Variants in DLGAP5 observed in about 807,000 individuals in gnomAD.
DLGAP5 encodes disks large-associated protein 5.
A neutral mutation model predicts 99.6 loss-of-function variants in DLGAP5; 90 were observed. That is an observed-to-expected ratio of 0.90 (90% CI 0.76 to 1.08). The LOEUF (loss-of-function observed/expected upper bound fraction) is 1.08, where lower values mean the gene tolerates loss of function less well. DLGAP5 is among the 50% of genes least tolerant of loss of function. The pLI, the probability that DLGAP5 is intolerant of heterozygous loss-of-function variation, is 0.00. For synonymous variants in DLGAP5, 311 were observed against 321.3 expected (o/e 0.97, Z 0.34); for missense variants, 1,036 against 983.5 (o/e 1.05, Z -0.71).
chr14:55,169,175 C>CA (rs34906311), intron 12 of DLGAP5, among the ~76,000 whole-genome samples: 6,895 of 63,232 alleles, frequency 0.11, 822 homozygotes, highest in African/African-American at 0.27. Context: ...GACTCCGTCT[C>CA]AAAAAAAAAA....
intron 9 of DLGAP5, 114 bp downstream of exon 9, chr14:55,175,780 A>T (rs1883039864): frequency 1.0e-5 from 10 of 966,926 alleles, no homozygotes; most frequent in Non-Finnish European, 1.3e-5. Flanking sequence ...GCTCCAAACA[A>T]ATCTGACAAG....
chr14:55,155,940 A>C (rs1882203178), intron 14 of DLGAP5, among the ~76,000 whole-genome samples: 1 of 151,698 alleles, frequency 6.6e-6, no homozygotes, highest in South Asian at 2.1e-4. Context: ...AATACCAAAA[A>C]ATCAGCCGGG....
At position 55,151,720 on chromosome 14, in the gene DLGAP5, T is replaced by C; in HGVS notation, c.2343A>G (p.Glu781=). The change falls in exon 17 of 19, where the codon GAA becomes GAG. Residue 781 remains glutamate (E), a synonymous_variant. Transcript: ENST00000247191. ...CTGACTGAGAAATTTTAGTTTCCCC[T>C]TCTTCTAAGATGCTATTTTGTGAAG... ...NTASQNSILE[E]GETKISQSEL... is the part of the protein sequence containing the mutation. The C allele has an allele frequency of 6.2e-7, 1 of 1,613,330 alleles. No individual in the cohort carries two copies. The highest frequency in any genetic ancestry group is 1.3e-5 in the African/African-American group (1 of 74,974).
chr14:55,158,304 G>A (rs895047167), intron 14 of DLGAP5, among the ~76,000 whole-genome samples: 1 of 152,180 alleles, frequency 6.6e-6, no homozygotes, highest in Admixed American at 6.5e-5. Flanking sequence ...AATCTTAGAA[G>A]ACTTATCGCA....
At chr14:55,166,034 CTACCAA>C (rs1566499168) in intron 12 of DLGAP5, among the ~76,000 whole-genome samples, 2 of 152,160 alleles carry the variant, frequency 1.3e-5, no homozygotes, top group Non-Finnish European at 2.9e-5. Flanking sequence ...ACAATATGAC[CTACCAA>C]TATCTAGGCA....
At chr14:55,175,203 T>C in intron 10 of DLGAP5, 143 bp downstream of exon 10, 1 of 677,488 alleles carries the variant, frequency 1.5e-6, no homozygotes, top group Non-Finnish European at 2.4e-6. Context: ...GTACTAGTTA[T>C]CAAAAAAATA....
rs771539474 is a variant in DLGAP5, at chr14:55,163,061, G to T, written c.1563C>A (p.Ile521=). 1.3e-6 allele frequency: 2 copies of T among 1,591,496 alleles called. No homozygotes were observed. Among genetic ancestry groups the T allele is most frequent in the Non-Finnish European group, 8.6e-7 (1 of 1,168,246 alleles). ...DMVSFQIEDV[I]HKFNNLIKLE... ...GTTTGATCAGATTGTTGAATTTGTG[G>T]ATTACATCTTCTATCTGTTAATAAA... Residue 521 remains isoleucine (I), a synonymous_variant, in exon 13 of 19, where the codon ATC becomes ATA. Coordinates refer to ENST00000247191, the MANE Select transcript of DLGAP5 (RefSeq NM_014750.5).
intron 12 of DLGAP5, among the ~76,000 whole-genome samples, chr14:55,164,602 T>C (rs1882569551): frequency 6.6e-6 from 1 of 151,800 alleles, no homozygotes; most frequent in Non-Finnish European, 1.5e-5. Context: ...AGTTCTTAGA[T>C]GTGGTGTCAA....
intron 18 of DLGAP5, among the ~76,000 whole-genome samples, chr14:55,149,817 G>GC (rs1382826018): frequency 2.2e-4 from 6 of 27,430 alleles, no homozygotes; most frequent in East Asian, 1.7e-3. Context: ...AATCGGGGCG[G>GC]GGGGGGGGCA....
At position 55,170,742 on chromosome 14, in the gene DLGAP5, G is replaced by T; in HGVS notation, c.1347C>A (p.Phe449Leu). 14 of 1,613,634 alleles carry T rather than the reference G, an allele frequency of 8.7e-6. No homozygotes were observed. The highest frequency in any genetic ancestry group is 3.3e-5 in the Admixed American group (2 of 60,020). ...SETEKLTSHC[F>L]EWDRKLELDI... The stretch of plus-strand genomic sequence containing the variant: ...CCAATTCAAGTTTCCTGTCCCACTC[G>T]AAGCAATGTGAAGTTAATTTCTCAG... The change falls in exon 11 of 19, where the codon TTC becomes TTA. Residue 449 changes from phenylalanine to leucine, a missense_variant. Physicochemically the swap from Phe to Leu is conservative, Grantham distance 22. Coordinates refer to ENST00000247191, the MANE Select transcript of DLGAP5 (RefSeq NM_014750.5).
At chr14:55,185,718 AGG>A in intron 2 of DLGAP5, among the ~76,000 whole-genome samples, 1 of 151,196 alleles carries the variant, frequency 6.6e-6, no homozygotes, top group East Asian at 2.0e-4. Context: ...TCCTGACCTC[AGG>A]TGATCCACCC....
At chr14:55,178,498 T>A (rs562565380) in intron 7 of DLGAP5, among the ~76,000 whole-genome samples, 7 of 152,356 alleles carry the variant, frequency 4.6e-5, no homozygotes, top group African/African-American at 1.4e-4. Context: ...GGTTTCTGAT[T>A]TTTAATAAGA....
At chr14:55,171,880 T>A (rs1594674857) in intron 10 of DLGAP5, among the ~76,000 whole-genome samples, 1 of 152,310 alleles carries the variant, frequency 6.6e-6, no homozygotes, top group East Asian at 1.9e-4. Flanking sequence ...TACTACATAA[T>A]TCTACTTAAA....
chr14:55,166,452 G>A (rs964561184), intron 12 of DLGAP5, among the ~76,000 whole-genome samples: 1 of 152,164 alleles, frequency 6.6e-6, no homozygotes, highest in African/African-American at 2.4e-5. Flanking sequence ...TGTTCTGGCT[G>A]GGTGTACTGG....
Position 55,152,587 on chromosome 14 carries a change from T to C in DLGAP5, c.2121+3A>G, listed in dbSNP as rs750670567. 2.5e-6 allele frequency: 4 copies of C among 1,600,360 alleles called. No homozygotes were observed. Among genetic ancestry groups the C allele is most frequent in the Non-Finnish European group, 3.4e-6 (4 of 1,173,906 alleles). Reference sequence around the variant, plus strand: ...TATCTAACCACACTGGAATTGTACTTACATGATTTTCTTCAATTAAATCTG... The same window carrying C: ...TATCTAACCACACTGGAATTGTACTCACATGATTTTCTTCAATTAAATCTG... On this transcript the variant is annotated splice_donor_region_variant and intron_variant, in intron 16 of 18. Transcript: ENST00000247191.
At position 55,177,282 on chromosome 14, in the gene DLGAP5, C is replaced by T. The variant is rs774261213; in HGVS notation, c.829G>A (p.Ala277Thr). 9.3e-6 allele frequency: 15 copies of T among 1,610,522 alleles called. No individual in the cohort carries two copies. Among genetic ancestry groups the T allele is most frequent in the Non-Finnish European group, 1.3e-5 (15 of 1,178,876 alleles). ...CCATCTGGATTCATTCCACTTGTTG[C>T]ATTAGTTTGTGAATTCAAAGTATTT... Reference protein sequence around the residue: ...EENTLNSQTNATSGMNPDGVL... With the variant: ...EENTLNSQTNTTSGMNPDGVL... The change falls in exon 8 of 19, where the codon GCA (alanine) becomes ACA (threonine). Residue 277 changes from alanine to threonine, a missense_variant. Physicochemically the swap from Ala to Thr is moderately conservative, Grantham distance 58 (BLOSUM62 0). Coordinates refer to ENST00000247191, the MANE Select transcript of DLGAP5 (RefSeq NM_014750.5).
At chr14:55,185,469 G>C (rs7147102) in intron 2 of DLGAP5, among the ~76,000 whole-genome samples, 12,543 of 152,106 alleles carry the variant, frequency 0.082, 1,387 homozygotes, top group African/African-American at 0.25. Context: ...AAAGTGCTGG[G>C]AGTACAGGTG....
At chr14:55,176,942 C>T in intron 8 of DLGAP5, 120 bp downstream of exon 8, 3 of 807,028 alleles carry the variant, frequency 3.7e-6, no homozygotes, top group Non-Finnish European at 4.9e-6. Flanking sequence ...CACGCCACTG[C>T]ACTCCAGCCT....
chr14:55,188,856 G>T, intron 2 of DLGAP5, 86 bp downstream of exon 2: 2 of 925,742 alleles, frequency 2.2e-6, no homozygotes, highest in Non-Finnish European at 3.3e-6. Context: ...AAACTCTTCT[G>T]GCCAGAGTTT....
Sources: gnomAD v4.1 joint callset for allele counts (sites outside exome capture counted in the v4.1 genomes callset) on GRCh38, gnomAD v4.1.1 for gene constraint, MANE v1.5 for transcripts, NCBI Gene and HGNC (gene_info 2026-07-23, HGNC 2026-07-21) for gene names.